Variants in IL1RAPL1 observed in about 807,000 individuals in gnomAD.
IL1RAPL1 encodes interleukin-1 receptor accessory protein-like 1.
IL1RAPL1 carries 3 observed loss-of-function variants against 48.4 expected under a neutral mutation model. That is an observed-to-expected ratio of 0.06 (90% CI 0.03 to 0.16). IL1RAPL1 has a LOEUF of 0.16. IL1RAPL1 is among the 10% of genes least tolerant of loss of function. IL1RAPL1 has a pLI of 1.00. For synonymous variants in IL1RAPL1, 185 were observed against 187.7 expected (o/e 0.99, Z 0.12); for missense variants, 349 against 530.6 (o/e 0.66, Z 3.36).
intron 6 of IL1RAPL1, among the ~76,000 whole-genome samples, chrX:29,757,621 CAATT>C (rs1294175075): frequency 8.9e-6 from 1 of 111,928 alleles, no homozygotes; most frequent in Non-Finnish European, 1.9e-5. Flanking sequence ...AACAAAAAGT[CAATT>C]AGTTTCTAGC....
intron 6 of IL1RAPL1, among the ~76,000 whole-genome samples, chrX:29,708,975 T>C (rs1469174252): frequency 8.9e-6 from 1 of 112,062 alleles, no homozygotes; most frequent in Non-Finnish European, 1.9e-5. Context: ...TTAGAGATGT[T>C]GAGCATTTAT....
intron 6 of IL1RAPL1, among the ~76,000 whole-genome samples, chrX:29,841,677 A>AG (rs895369637): frequency 3.6e-5 from 4 of 111,580 alleles, no homozygotes; most frequent in African/African-American, 1.3e-4. Flanking sequence ...GGTATGTAAG[A>AG]ACTATACAAG....
chrX:29,898,210 T>G (rs747581012), intron 6 of IL1RAPL1, among the ~76,000 whole-genome samples: 1 of 112,015 alleles, frequency 8.9e-6, no homozygotes, highest in Non-Finnish European at 1.9e-5. Flanking sequence ...AGTTTTGAAA[T>G]GATTTGCTGT....
At chrX:29,743,812 A>G (rs1300391451) in intron 6 of IL1RAPL1, among the ~76,000 whole-genome samples, 5 of 112,222 alleles carry the variant, frequency 4.5e-5, no homozygotes, top group Non-Finnish European at 9.4e-5. Flanking sequence ...CTTTGTTTGC[A>G]ATACCTAGCT....
chrX:29,212,205 G>T (rs1367470506), intron 2 of IL1RAPL1, among the ~76,000 whole-genome samples: 1 of 111,503 alleles, frequency 9.0e-6, no homozygotes, highest in Non-Finnish European at 1.9e-5. Flanking sequence ...TAATAAATCA[G>T]CTTTAACACT....
intron 5 of IL1RAPL1, among the ~76,000 whole-genome samples, chrX:29,469,852 T>G (rs1035031031): frequency 4.5e-5 from 5 of 112,026 alleles, no homozygotes; most frequent in African/African-American, 1.6e-4. Context: ...TCCTTTAAAA[T>G]TTTTAATCTA....
intron 5 of IL1RAPL1, among the ~76,000 whole-genome samples, chrX:29,541,619 A>C (rs1921442135): frequency 8.9e-6 from 1 of 112,092 alleles, no homozygotes; most frequent in East Asian, 2.8e-4. Context: ...AAAGAATTAA[A>C]TGTTGTCCTT....
intron 2 of IL1RAPL1, among the ~76,000 whole-genome samples, chrX:29,252,479 G>C (rs1180562539): frequency 8.8e-6 from 1 of 113,872 alleles, no homozygotes; most frequent in African/African-American, 3.2e-5. Context: ...CAATTATTTA[G>C]GGAAATTGAA....
chrX:29,571,436 T>C (rs1336769716), intron 5 of IL1RAPL1, among the ~76,000 whole-genome samples: 2 of 111,272 alleles, frequency 1.8e-5, no homozygotes, highest in African/African-American at 3.3e-5. Context: ...TCCTAGTAGT[T>C]ACTCTTTGTT....
chrX:29,806,682 T>G (rs971894478), intron 6 of IL1RAPL1, among the ~76,000 whole-genome samples: 29 of 111,420 alleles, frequency 2.6e-4, no homozygotes, highest in African/African-American at 9.1e-4. Flanking sequence ...ATTTAATTTT[T>G]TAAAGTATCA....
intron 6 of IL1RAPL1, among the ~76,000 whole-genome samples, chrX:29,785,218 A>G (rs1929465596): frequency 8.9e-6 from 1 of 112,237 alleles, no homozygotes; most frequent in Admixed American, 9.5e-5. Flanking sequence ...AAATGAGGAT[A>G]TAAGAATAGA....
intron 5 of IL1RAPL1, among the ~76,000 whole-genome samples, chrX:29,605,114 ACACACACAC>A (rs1923849389): frequency 9.9e-6 from 1 of 101,064 alleles, no homozygotes; most frequent in African/African-American, 3.7e-5. Flanking sequence ...ACACACACAC[ACACACACAC>A]ACACGGAGGG....
At chrX:29,138,769 T>A (rs1602075806) in intron 2 of IL1RAPL1, among the ~76,000 whole-genome samples, 1 of 83,721 alleles carries the variant, frequency 1.2e-5, no homozygotes. Context: ...AGAGCGAGAC[T>A]CCATCTAAAA....
chrX:29,662,188 T>C (rs7471033), intron 5 of IL1RAPL1, among the ~76,000 whole-genome samples: 2 of 111,744 alleles, frequency 1.8e-5, no homozygotes, highest in East Asian at 5.6e-4. Flanking sequence ...ATAGATACAG[T>C]GGCATTCTTT....
intron 1 of IL1RAPL1, among the ~76,000 whole-genome samples, chrX:28,610,879 T>G (rs986627921): frequency 9.0e-6 from 1 of 111,553 alleles, no homozygotes; most frequent in East Asian, 2.8e-4. Flanking sequence ...AAAATTCACA[T>G]TGAGCAGCAG....
At chrX:29,416,267 G>A (rs1298950382) in intron 5 of IL1RAPL1, among the ~76,000 whole-genome samples, 1 of 111,451 alleles carries the variant, frequency 9.0e-6, no homozygotes, top group East Asian at 2.8e-4. Flanking sequence ...ACTCTGGGCT[G>A]GGCGCATTGG....
intron 2 of IL1RAPL1, among the ~76,000 whole-genome samples, chrX:29,121,168 G>A (rs923999885): frequency 3.6e-5 from 4 of 111,737 alleles, no homozygotes; most frequent in African/African-American, 1.3e-4. Flanking sequence ...TTCCTGCTAA[G>A]ATCAGGAACA....
chrX:29,568,933 T>C (rs1207757507), intron 5 of IL1RAPL1, among the ~76,000 whole-genome samples: 1 of 111,469 alleles, frequency 9.0e-6, no homozygotes, highest in Non-Finnish European at 1.9e-5. Flanking sequence ...TGTAGTCCTT[T>C]AGAATGTCCA....
intron 6 of IL1RAPL1, among the ~76,000 whole-genome samples, chrX:29,917,213 A>T (rs1932806339): frequency 8.9e-6 from 1 of 112,378 alleles, no homozygotes; most frequent in Non-Finnish European, 1.9e-5. Flanking sequence ...AACGGGAAAA[A>T]TGTTCTGTAC....
Sources: allele counts gnomAD v4.1 joint callset (sites outside exome capture counted in the v4.1 genomes callset), GRCh38; gene constraint gnomAD v4.1.1; transcripts MANE v1.5; gene names NCBI Gene and HGNC (gene_info 2026-07-23, HGNC 2026-07-21).